The following MBP variants were observed in gnomAD, a reference collection of about 807,000 sequenced individuals.
The protein encoded by MBP is Golli-MBP.
Under a neutral mutation model 35.8 loss-of-function variants are expected in MBP, and 16 were observed. The ratio of observed to expected loss-of-function variants is 0.45; its 90% CI spans 0.30 to 0.68. MBP has a LOEUF of 0.68. Among genes scored for constraint, MBP ranks in the 30% least tolerant of loss-of-function variants. The probability of loss-of-function intolerance (pLI) is 0.08; values close to 1 mark genes in which losing one functional copy is unlikely to be tolerated. For missense variants in MBP, 380 were observed against 404.7 expected (o/e 0.94, Z 0.52); for synonymous variants, 143 against 159.6 (o/e 0.90, Z 0.78).
Position 77,047,989 on chromosome 18 carries a change from A to G in MBP, c.139+18309T>C, listed in dbSNP as rs188073742. 6.7e-4 allele frequency among the ~76,000 whole-genome samples: 102 copies of G among 152,360 alleles called. 1 individual carries two copies. The highest frequency in any genetic ancestry group is 2.7e-3 in the South Asian group (13 of 4,834). ...TCACCCCAAAGCTAGAAATCAAATA[A>G]TTTTCAACAATGTGATGATTACGCA... On this transcript the variant is annotated intron_variant, in intron 3 of 8. Coordinates refer to ENST00000355994, the MANE Select transcript of MBP (RefSeq NM_001025101.2).
At position 76,988,081 on chromosome 18, in the gene MBP, C is replaced by A; in HGVS notation, c.750+414G>T. On this transcript the variant is annotated intron_variant, in intron 7 of 8. Transcript: ENST00000355994. This position sits in a 1 kb window ranked among gnomAD's most constrained non-coding sequence, Gnocchi z 5.2. ...AGCAGAATCATTTTCCCAGTGTCAG[C>A]ATCTGGGGTCACTGAGACGGGCCAG... is the stretch of plus-strand genomic sequence containing the variant. 6.8e-7 allele frequency: 1 copy of A among 1,478,798 alleles called. No individual in the cohort carries two copies. The highest frequency in any genetic ancestry group is 1.3e-5 in the South Asian group (1 of 75,380). The allele number at this position is 1,478,798 out of a possible 1,614,324, so 91.6% of individuals were successfully genotyped here. A position where few individuals can be genotyped will look rare whatever the true frequency, so the allele number is the denominator to read the frequency against.
rs555153550 is a variant in MBP at position 77,089,804 on chromosome 18, A to G, written c.51+15407T>C. Among the ~76,000 whole-genome samples the G allele has an allele frequency of 3.9e-5, 6 of 152,344 alleles. No homozygotes were observed. The South Asian group carries it at 1.0e-3, about 26-fold the overall frequency. ...AGTCTGGCTGGTGCATCTGCCTGAA[A>G]TATCTGCAGGAGGTGATGAGAAGTC... is the stretch of plus-strand genomic sequence containing the variant. On this transcript the variant is annotated intron_variant, in intron 2 of 8. Transcript: ENST00000355994.
At chr18:77,076,495 C>A (rs190114183) in intron 2 of MBP, among the ~76,000 whole-genome samples, 18 of 152,320 alleles carry the variant, frequency 1.2e-4, no homozygotes, top group Admixed American at 1.0e-3. Context: ...AGCATCGAGG[C>A]GGCACCGTCG....
intron 4 of MBP, among the ~76,000 whole-genome samples, chr18:76,990,518 C>T (rs1317485093): frequency 2.0e-5 from 3 of 152,000 alleles, no homozygotes; most frequent in Non-Finnish European, 2.9e-5. Flanking sequence ...GGAGGGTGAT[C>T]ATATATCAAG....
intron 7 of MBP, chr18:76,986,788 A>C (rs1320256678): frequency 1.5e-5 from 15 of 985,454 alleles, no homozygotes; most frequent in Non-Finnish European, 1.8e-5. Flanking sequence ...CTTTTCTCCA[A>C]AAATAAAGCA....
At chr18:77,071,778 AAAGCTAGAG>A (rs1251278422) in intron 2 of MBP, among the ~76,000 whole-genome samples, 3 of 152,186 alleles carry the variant, frequency 2.0e-5, no homozygotes, top group Non-Finnish European at 4.4e-5. Flanking sequence ...CTTCAAAAAT[AAAGCTAGAG>A]AAGCAAGCCC....
intron 1 of MBP, among the ~76,000 whole-genome samples, chr18:77,111,044 TG>T (rs1976433936): frequency 6.6e-6 from 1 of 152,190 alleles, no homozygotes; most frequent in African/African-American, 2.4e-5. Context: ...GCCTCGTGGC[TG>T]CTCCAGTCCT....
chr18:77,032,211 TTG>T (rs914577898), intron 3 of MBP, among the ~76,000 whole-genome samples: 5 of 152,186 alleles, frequency 3.3e-5, no homozygotes, highest in African/African-American at 1.2e-4. Context: ...TGTGGAATAC[TTG>T]TGTCACGGCG....
chr18:77,125,402 TTC>T (rs1457546711), intron 1 of MBP, among the ~76,000 whole-genome samples: 1 of 152,160 alleles, frequency 6.6e-6, no homozygotes, highest in African/African-American at 2.4e-5. Flanking sequence ...AAGTAACACA[TTC>T]TGTTATTTGT....
intron 7 of MBP, chr18:76,985,906 C>G (rs1969531865): frequency 1.0e-6 from 1 of 986,634 alleles, no homozygotes; most frequent in Non-Finnish European, 1.2e-6. Flanking sequence ...GCCCCAGCAG[C>G]CCCTCTGGCT....
At chr18:77,047,839 A>G (rs777619551) in intron 3 of MBP, among the ~76,000 whole-genome samples, 1 of 152,206 alleles carries the variant, frequency 6.6e-6, no homozygotes, top group East Asian at 1.9e-4. Flanking sequence ...AAATGAACTG[A>G]TTATTTACCA....
intron 3 of MBP, among the ~76,000 whole-genome samples, chr18:77,030,782 A>T (rs1327028691): frequency 6.6e-6 from 1 of 152,166 alleles, no homozygotes; most frequent in African/African-American, 2.4e-5. Flanking sequence ...TTTCTCCCAT[A>T]TCCTTTTATC....
chr18:77,111,987 G>A (rs563663061), intron 1 of MBP, among the ~76,000 whole-genome samples: 1 of 151,930 alleles, frequency 6.6e-6, no homozygotes, highest in African/African-American at 2.4e-5. Flanking sequence ...TCTCTCCCCC[G>A]ACGTCCCTCC....
intron 2 of MBP, among the ~76,000 whole-genome samples, chr18:77,092,288 C>T (rs1231925504): frequency 6.6e-6 from 1 of 152,190 alleles, no homozygotes; most frequent in Admixed American, 6.5e-5. Context: ...GCTGCACCCT[C>T]CCTCTGTCCC....
chr18:77,034,119 A>T (rs979069578), intron 3 of MBP, among the ~76,000 whole-genome samples: 7 of 50,898 alleles, frequency 1.4e-4, no homozygotes, highest in African/African-American at 3.1e-4. Flanking sequence ...GCCTTTAGGC[A>T]GGGTTTTCTC....
intron 1 of MBP, among the ~76,000 whole-genome samples, chr18:77,118,516 G>A (rs1976769269): frequency 6.6e-6 from 1 of 151,896 alleles, no homozygotes; most frequent in Non-Finnish European, 1.5e-5. Context: ...TGTCTGCCCT[G>A]TGCTCGGCAC....
At chr18:77,077,357 CAA>C (rs56002600) in intron 2 of MBP, among the ~76,000 whole-genome samples, 20 of 107,720 alleles carry the variant, frequency 1.9e-4, no homozygotes, top group Admixed American at 6.1e-4. Context: ...GACTCCGTCG[CAA>C]AAAAAAAAAA....
At chr18:76,990,487 A>T (rs1199760043) in intron 4 of MBP, among the ~76,000 whole-genome samples, 1 of 152,144 alleles carries the variant, frequency 6.6e-6, no homozygotes, top group African/African-American at 2.4e-5. Flanking sequence ...ATGGTGAGGG[A>T]TGAGGGATTT....
At chr18:77,014,864 T>C (rs1250878697) in intron 4 of MBP, 1 of 985,058 alleles carries the variant, frequency 1.0e-6, no homozygotes, top group Non-Finnish European at 1.2e-6. Flanking sequence ...ATCTTCTATA[T>C]TCAACACTCC....
Sources: allele counts gnomAD v4.1 joint callset (sites outside exome capture counted in the v4.1 genomes callset), GRCh38; gene constraint gnomAD v4.1.1; non-coding constraint Gnocchi (gnomAD v3.1); transcripts MANE v1.5; gene names NCBI Gene and HGNC (gene_info 2026-07-23, HGNC 2026-07-21).